SYMPK: variants seen among roughly 807,000 people sequenced by gnomAD.
The protein encoded by SYMPK is symplekin scaffold protein, also known as symplekin.
A neutral mutation model predicts 136.4 loss-of-function variants in SYMPK; 49 were observed. The observed-to-expected ratio is 0.36, with a 90% CI of 0.29 to 0.46. The LOEUF is 0.46. SYMPK is among the 20% of genes least tolerant of loss of function. SYMPK has a pLI of 1.00. For missense variants in SYMPK, 1,365 were observed against 1,690.0 expected (o/e 0.81, Z 3.37); for synonymous variants, 766 against 713.0 (o/e 1.07, Z -1.19).
Position 45,816,402 on chromosome 19 carries a change from G to A in SYMPK, c.3354+80C>T, listed in dbSNP as rs536077823. The A allele has an allele frequency of 6.1e-4, 924 of 1,510,320 alleles. 9 individuals are homozygous for A. Among genetic ancestry groups the A allele is most frequent in the Middle Eastern group, 3.4e-3 (15 of 4,454 alleles). 93.6% of individuals were successfully genotyped at this position (1,510,320 alleles called of 1,614,324 possible). ...GGCCTGAGTCTCTCGGGGTCAGGAG[G>A]AGGCCATGGTGAGCCTTGCTGGCTT... On this transcript the variant is annotated intron_variant, in intron 25 of 26. Transcript: ENST00000245934.
At chr19:45,823,944 A>T in intron 18 of SYMPK, 69 bp from the exon 19 acceptor site, 1 of 1,270,494 alleles carries the variant, frequency 7.9e-7, no homozygotes, top group Non-Finnish European at 1.1e-6. Context: ...GTTGCCCGGC[A>T]GGGTGGCTTG....
chr19:45,819,834 A>G (rs138920711), intron 22 of SYMPK: 181 of 152,454 alleles, frequency 1.2e-3, no homozygotes, highest in African/African-American at 4.2e-3. Flanking sequence ...AAAGGACTCG[A>G]CTTTGTGATC....
intron 7 of SYMPK, 110 bp downstream of exon 7, chr19:45,847,642 C>G: frequency 1.5e-6 from 2 of 1,358,624 alleles, no homozygotes; most frequent in Non-Finnish European, 2.0e-6. Flanking sequence ...ACTGCACACA[C>G]TGTTCCAGAA....
chr19:45,844,453 A>T (rs1971514272), intron 7 of SYMPK, among the ~76,000 whole-genome samples: 1 of 152,164 alleles, frequency 6.6e-6, no homozygotes, highest in Admixed American at 6.6e-5. Flanking sequence ...CAGGCAGATC[A>T]CTTGAGGTCA....
intron 16 of SYMPK, 128 bp downstream of exon 16, chr19:45,827,382 T>G: frequency 1.5e-6 from 1 of 665,882 alleles, no homozygotes; most frequent in South Asian, 1.8e-5. Context: ...AAAAAACCAC[T>G]GAAAGAAGGG....
intron 7 of SYMPK, among the ~76,000 whole-genome samples, chr19:45,844,462 C>T (rs1971514417): frequency 6.6e-6 from 1 of 152,140 alleles, no homozygotes. Context: ...CACTTGAGGT[C>T]AGGAGTTCAA....
intron 11 of SYMPK, among the ~76,000 whole-genome samples, chr19:45,834,875 C>T (rs1971267191): frequency 1.3e-5 from 2 of 152,252 alleles, no homozygotes; most frequent in South Asian, 4.1e-4. Context: ...TGATTCAACT[C>T]AAACTTCAAA....
At chr19:45,862,868 G>A (rs1235860317) in intron 1 of SYMPK, among the ~76,000 whole-genome samples, 190 bp downstream of exon 1, 1 of 152,180 alleles carries the variant, frequency 6.6e-6, no homozygotes, top group African/African-American at 2.4e-5. Flanking sequence ...GTGGCGCCCG[G>A]GGGGCCACGT....
Position 45,818,045 on chromosome 19 carries a change from T to C in SYMPK, c.2995A>G (p.Met999Val). Residue 999 changes from methionine to valine, a missense_variant, in exon 23 of 27, where the codon ATG becomes GTG. Physicochemically the swap from Met to Val is conservative, Grantham distance 21 (BLOSUM62 1). Around this residue, in one of 11 missense-constraint regions of SYMPK, gnomAD observed 156 missense variants for 217.8 expected, o/e 0.72. Transcript: ENST00000245934. ...MEQSPLPMLL[M>V]RTVIQSLTMY... Reference sequence around the variant, plus strand: ...GTCAGGGACTGGATGACGGTCCTCATGAGCAGCATGGGCAGGGGGCTCTGC... The same window carrying C: ...GTCAGGGACTGGATGACGGTCCTCACGAGCAGCATGGGCAGGGGGCTCTGC... The C allele has an allele frequency of 1.9e-6, 3 of 1,571,196 alleles. No individual in the cohort carries two copies. Among genetic ancestry groups the C allele is most frequent in the East Asian group, 2.4e-5 (1 of 42,516 alleles).
At chr19:45,831,282 TACACAC>T (rs67226135) in intron 12 of SYMPK, 96 bp downstream of exon 12, 3 of 675,222 alleles carry the variant, frequency 4.4e-6, no homozygotes, top group South Asian at 3.3e-5. Flanking sequence ...GCATCTCAGT[TACACAC>T]ACACACGCAC....
At position 45,854,501 on chromosome 19, in the gene SYMPK, C is replaced by G. The variant is rs1315109258; in HGVS notation, c.-6G>C. 10 of 1,613,154 alleles carry G rather than the reference C, an allele frequency of 6.2e-6. No homozygotes were observed. The highest frequency in any genetic ancestry group is 8.5e-6 in the Non-Finnish European group (10 of 1,179,730). On this transcript the variant is annotated 5_prime_UTR_variant, in exon 2 of 27. Coordinates refer to ENST00000245934, the MANE Select transcript of SYMPK (RefSeq NM_004819.3). ...TCTCCACTGCCGCTCGCCATGGCTG[C>G]TGTCAGCTTGTCCCCAGGAAAGAAG...
In SYMPK at chr19:45,829,006, A is replaced by G. The variant is rs1161450161; in HGVS notation, c.1949T>C (p.Leu650Ser). The change falls in exon 14 of 27, where the codon TTG becomes TCG. Residue 650 changes from leucine to serine, a missense_variant. Physicochemically the swap from Leu to Ser is moderately radical, Grantham distance 145. Around this residue, in one of 11 missense-constraint regions of SYMPK, gnomAD observed 303 missense variants for 326.6 expected, o/e 0.93. Coordinates refer to ENST00000245934, the MANE Select transcript of SYMPK (RefSeq NM_004819.3). ...GTCTGGTTTCTCCTGCAGGCCAGAC[A>G]ACAGGCGGATGAGGCAGTCCTCATA... is the stretch of plus-strand genomic sequence containing the variant. ...DKYEDCLIRL[L>S]SGLQEKPDQK... 1 of 1,614,204 alleles carries G rather than the reference A, an allele frequency of 6.2e-7. No individual in the cohort carries two copies. Among genetic ancestry groups the G allele is most frequent in the Non-Finnish European group, 8.5e-7 (1 of 1,180,042 alleles).
At chr19:45,822,733 G>A in intron 21 of SYMPK, 23 bp downstream of exon 21, 1 of 1,607,438 alleles carries the variant, frequency 6.2e-7, no homozygotes, top group Non-Finnish European at 8.5e-7. Context: ...GCCTCTTGGT[G>A]GGGATGAGGC....
intron 7 of SYMPK, among the ~76,000 whole-genome samples, chr19:45,846,160 C>T (rs1285848113): frequency 1.3e-5 from 2 of 152,152 alleles, no homozygotes; most frequent in Non-Finnish European, 2.9e-5. Flanking sequence ...GGCGTGAACA[C>T]GGGAGGCGGA....
intron 13 of SYMPK, among the ~76,000 whole-genome samples, 175 bp from the exon 14 acceptor site, chr19:45,829,380 GGGGTGGGGGTACCA>G (rs1402418598): frequency 3.9e-5 from 6 of 152,094 alleles, no homozygotes; most frequent in Admixed American, 3.3e-4. Flanking sequence ...TGTGTGTTGG[GGGGTGGGGGTACCA>G]GGGTGGGGAT....
rs999687032 is a variant in SYMPK, at chr19:45,815,450, C to A, written c.*110G>T. 2 of 1,164,940 alleles carry A rather than the reference C, an allele frequency of 1.7e-6. No individual in the cohort carries two copies. Among genetic ancestry groups the A allele is most frequent in the Non-Finnish European group, 2.3e-6 (2 of 857,626 alleles). The allele number at this position is 1,164,940 out of a possible 1,614,324, so 72.2% of individuals were successfully genotyped here. On this transcript the variant is annotated 3_prime_UTR_variant, in exon 27 of 27. Coordinates refer to ENST00000245934, the MANE Select transcript of SYMPK (RefSeq NM_004819.3). ...TTTTTTTTTCTTTTCAGTAACTTGC[C>A]CAAGTTCACATCTTTTATTTCTTTT... is the stretch of plus-strand genomic sequence containing the variant.
intron 8 of SYMPK, chr19:45,842,784 G>T (rs1971473481): frequency 2.6e-6 from 1 of 378,938 alleles, no homozygotes; most frequent in South Asian, 3.2e-5. Context: ...CTTCGCTTGG[G>T]GAGGGTTATA....
intron 8 of SYMPK, among the ~76,000 whole-genome samples, chr19:45,843,457 G>A (rs2054195031): frequency 6.6e-6 from 1 of 152,042 alleles, no homozygotes; most frequent in South Asian, 2.1e-4. Context: ...TTTGGTGGGG[G>A]GAGAGGACTG....
intron 1 of SYMPK, among the ~76,000 whole-genome samples, chr19:45,858,505 C>T (rs906803548): frequency 6.6e-6 from 1 of 152,128 alleles, no homozygotes; most frequent in Non-Finnish European, 1.5e-5. Context: ...GTAAGGTCTT[C>T]CCTGACGACT....
Sources: gnomAD v4.1 joint callset for allele counts (sites outside exome capture counted in the v4.1 genomes callset) on GRCh38, gnomAD v4.1.1 for gene constraint, gnomAD v4.1.1 regional missense constraint, MANE v1.5 for transcripts, NCBI Gene and HGNC (gene_info 2026-07-23, HGNC 2026-07-21) for gene names.